The following ITIH5 variants were observed in gnomAD, a reference collection of about 807,000 sequenced individuals.
ITIH5 encodes the protein inter-alpha-trypsin inhibitor heavy chain H5.
A neutral mutation model predicts 77.5 loss-of-function variants in ITIH5; 65 were observed. The observed-to-expected ratio is 0.84, with a 90% CI of 0.69 to 1.03. The LOEUF (loss-of-function observed/expected upper bound fraction) is 1.03. ITIH5 is among the 50% of genes least tolerant of loss of function. The pLI, the probability that ITIH5 is intolerant of heterozygous loss-of-function variation, is 0.00. For missense variants in ITIH5, 1,208 were observed against 1,213.1 expected, an observed-to-expected ratio of 1.00 and a Z score of 0.06; for synonymous variants, 525 against 494.3, an observed-to-expected ratio of 1.06 and a Z score of -0.82.
intron 5 of ITIH5, chr10:7,622,131 G>A (rs718298): frequency 0.11 from 16,120 of 152,258 alleles, 1,092 homozygotes; most frequent in Non-Finnish European, 0.15. Context: ...TCCTGCCCTC[G>A]GGAAAATTCA....
At chr10:7,632,929 G>C (rs1459864652) in intron 5 of ITIH5, among the ~76,000 whole-genome samples, 4 of 152,196 alleles carry the variant, frequency 2.6e-5, no homozygotes, top group Non-Finnish European at 5.9e-5. Flanking sequence ...ATCATGGCAG[G>C]GGTAGTAATT....
chr10:7,652,057 A>T (rs1182628913), intron 2 of ITIH5, among the ~76,000 whole-genome samples: 2 of 152,210 alleles, frequency 1.3e-5, no homozygotes, highest in Non-Finnish European at 2.9e-5. Context: ...AAATGATGGC[A>T]GCGAATCCTC....
In ITIH5 at chr10:7,637,260, TTG is replaced by T; in HGVS notation, c.618_619del (p.His206GlnfsTer13). 1 of 1,610,806 alleles carries T rather than the reference TTG, an allele frequency of 6.2e-7. No homozygotes were observed. The highest frequency in any genetic ancestry group is 8.5e-7 in the Non-Finnish European group (1 of 1,179,978). The stretch of plus-strand genomic sequence containing the variant: ...GCGCCCACTGCCCCTCTGCCTGCTG[TTG>T]TGAAGCGGCAGCACCTCCAGGGATG... On this transcript the variant is annotated frameshift_variant, in exon 5 of 14. Coordinates refer to ENST00000397146, the MANE Select transcript of ITIH5 (RefSeq NM_030569.7). LOFTEE classifies it high-confidence loss of function.
intron 1 of ITIH5, among the ~76,000 whole-genome samples, chr10:7,663,571 T>C (rs1043271452): frequency 2.6e-5 from 4 of 152,234 alleles, no homozygotes; most frequent in African/African-American, 7.2e-5. Flanking sequence ...TCTAAATAAA[T>C]AGTCATTTTA....
At chr10:7,645,836 T>C (rs951712851) in intron 2 of ITIH5, among the ~76,000 whole-genome samples, 1 of 152,196 alleles carries the variant, frequency 6.6e-6, no homozygotes, top group Non-Finnish European at 1.5e-5. Flanking sequence ...AAACATTTCA[T>C]ACATTTCAGT....
rs1306398942 is a variant in ITIH5, at chr10:7,566,272, C to G, written c.2285G>C (p.Arg762Thr). The change falls in exon 13 of 14, where the codon AGA (arginine) becomes ACA (threonine). Residue 762 changes from arginine (R) to threonine (T), a missense_variant. Arg to Thr is a moderately conservative substitution (Grantham distance 71). Transcript: ENST00000397146. ...ERSYLEITPS[R>T]VILDGGDRLV... ...TCTGTCCCCACCATCCAAGATGACT[C>G]TGCTCGGTGTGATCTCGAGATAAGA... 3 of 1,613,528 alleles carry G rather than the reference C, an allele frequency of 1.9e-6. No homozygotes were observed. The highest frequency in any genetic ancestry group is 3.3e-5 in the Admixed American group (2 of 59,896).
At chr10:7,662,579 A>T (rs2131118521) in intron 1 of ITIH5, among the ~76,000 whole-genome samples, 1 of 152,354 alleles carries the variant, frequency 6.6e-6, no homozygotes, top group Admixed American at 6.5e-5. Flanking sequence ...CATGATAAGC[A>T]AGATCGCCTT....
chr10:7,611,381 A>T (rs751792963), intron 7 of ITIH5, among the ~76,000 whole-genome samples: 8 of 152,242 alleles, frequency 5.3e-5, no homozygotes, highest in Non-Finnish European at 8.8e-5. Flanking sequence ...CATTTAGGAG[A>T]CCCTAATTTA....
At chr10:7,596,800 C>T (rs1018729239) in intron 7 of ITIH5, among the ~76,000 whole-genome samples, 1 of 151,928 alleles carries the variant, frequency 6.6e-6, no homozygotes, top group East Asian at 1.9e-4. Context: ...TTTGGGATTA[C>T]ACTTTGGGAG....
intron 2 of ITIH5, among the ~76,000 whole-genome samples, chr10:7,651,621 T>C (rs1834102666): frequency 1.3e-5 from 2 of 151,510 alleles, no homozygotes; most frequent in African/African-American, 4.9e-5. Flanking sequence ...ATAATAATAA[T>C]AATAATAACA....
chr10:7,566,444 T>C (rs774688269), intron 12 of ITIH5, 37 bp from the exon 13 acceptor site: 1 of 1,559,706 alleles, frequency 6.4e-7, no homozygotes, highest in South Asian at 1.2e-5. Context: ...GGTTAGAAAA[T>C]CTGACCAGGA....
chr10:7,588,479 C>T (rs1832726530), intron 7 of ITIH5, among the ~76,000 whole-genome samples: 1 of 152,234 alleles, frequency 6.6e-6, no homozygotes, highest in African/African-American at 2.4e-5. Flanking sequence ...GATCGTGCCA[C>T]TGCACTCTGC....
At chr10:7,649,072 A>T in intron 2 of ITIH5, among the ~76,000 whole-genome samples, 1 of 151,640 alleles carries the variant, frequency 6.6e-6, no homozygotes, top group East Asian at 1.9e-4. Flanking sequence ...TCCCCCTCCC[A>T]GTTACCAACC....
chr10:7,559,421 G>C lies in ITIH5; in HGVS notation c.*3662C>G, dbSNP rs774847077. 6.5e-6 allele frequency: 1 copy of C among 152,784 alleles called. No homozygotes were observed. Among genetic ancestry groups the C allele is most frequent in the Non-Finnish European group, 1.4e-5 (1 of 69,152 alleles). 9.5% of individuals were successfully genotyped at this position (152,784 alleles called of 1,614,324 possible). A position where few individuals can be genotyped will look rare whatever the true frequency, so the allele number is the denominator to read the frequency against. ...ATGTCTCTTGAATGTGAACTGTCTC[G>C]TACCCCACTAATTATTTAAAACTAA... On this transcript the variant is annotated 3_prime_UTR_variant, in exon 14 of 14. Transcript: ENST00000397146.
chr10:7,597,977 G>A (rs1474016387), intron 7 of ITIH5, among the ~76,000 whole-genome samples: 1 of 151,954 alleles, frequency 6.6e-6, no homozygotes, highest in Admixed American at 6.5e-5. Context: ...TCGCCATAAT[G>A]TATTTGGGTC....
At chr10:7,651,755 A>G (rs1461386917) in intron 2 of ITIH5, among the ~76,000 whole-genome samples, 1 of 152,064 alleles carries the variant, frequency 6.6e-6, no homozygotes, top group Non-Finnish European at 1.5e-5. Context: ...CAGCCTACCT[A>G]CTACCCTGCC....
intron 11 of ITIH5, 97 bp downstream of exon 11, chr10:7,573,045 T>C: frequency 8.5e-7 from 1 of 1,179,974 alleles, no homozygotes. Flanking sequence ...CCCAAAGTGC[T>C]GGGATTACAG....
At chr10:7,623,701 G>C (rs964213431) in intron 5 of ITIH5, among the ~76,000 whole-genome samples, 1 of 151,720 alleles carries the variant, frequency 6.6e-6, no homozygotes, top group African/African-American at 2.4e-5. Context: ...TACTCAGGAG[G>C]GTGAGGCAGG....
chr10:7,569,535 T>C (rs12247601), intron 12 of ITIH5, 133 bp downstream of exon 12: 106,463 of 574,162 alleles, frequency 0.19, 12,248 homozygotes, highest in East Asian at 0.43. Flanking sequence ...TGCGCTTCCC[T>C]TAACCACTGA....
Sources: allele counts gnomAD v4.1 joint callset (sites outside exome capture counted in the v4.1 genomes callset), GRCh38; gene constraint gnomAD v4.1.1; transcripts MANE v1.5; gene names NCBI Gene and HGNC (gene_info 2026-07-23, HGNC 2026-07-21).